The following SORCS1 variants were observed in gnomAD, a reference collection of about 807,000 sequenced individuals.
SORCS1 encodes sortilin related VPS10 domain containing receptor 1, also known as VPS10 domain-containing receptor SorCS1.
Under a neutral mutation model 146.1 loss-of-function variants are expected in SORCS1, and 60 were observed. The observed-to-expected ratio is 0.41, with a 90% CI of 0.33 to 0.51. The LOEUF (loss-of-function observed/expected upper bound fraction) is 0.51, where lower values mean the gene tolerates loss of function less well. Among genes scored for constraint, SORCS1 ranks in the 20% least tolerant of loss-of-function variants. SORCS1 has a pLI of 0.21. For synonymous variants in SORCS1, 637 were observed against 584.0 expected (o/e 1.09, Z -1.31); for missense variants, 1,352 against 1,487.6 (o/e 0.91, Z 1.50).
At chr10:107,069,088 A>G (rs1962186735) in intron 1 of SORCS1, among the ~76,000 whole-genome samples, 1 of 151,678 alleles carries the variant, frequency 6.6e-6, no homozygotes, top group Admixed American at 6.6e-5. Flanking sequence ...TGAGTTCTCA[A>G]TCCAAAATGT....
At chr10:107,030,759 T>G (rs961848049) in intron 1 of SORCS1, among the ~76,000 whole-genome samples, 2 of 152,116 alleles carry the variant, frequency 1.3e-5, no homozygotes, top group African/African-American at 4.8e-5. Flanking sequence ...ACTGAAAAGA[T>G]TTTTTAAAAA....
chr10:106,718,106 T>A (rs1453167687), intron 6 of SORCS1, among the ~76,000 whole-genome samples: 1 of 152,158 alleles, frequency 6.6e-6, no homozygotes, highest in East Asian at 1.9e-4. Flanking sequence ...ATGACAAGGA[T>A]AACTCATTAT....
At chr10:107,001,557 G>T (rs981337881) in intron 1 of SORCS1, among the ~76,000 whole-genome samples, 5 of 152,126 alleles carry the variant, frequency 3.3e-5, no homozygotes, top group African/African-American at 9.7e-5. Flanking sequence ...TCCGTCTCCC[G>T]GGTTCAAGCG....
chr10:106,760,682 T>G (rs1326052590), intron 5 of SORCS1, among the ~76,000 whole-genome samples: 1 of 143,748 alleles, frequency 7.0e-6, no homozygotes, highest in Non-Finnish European at 1.5e-5. Flanking sequence ...AAAGTAAGAC[T>G]ACATACACAC....
At chr10:106,849,891 G>C (rs1949473283) in intron 2 of SORCS1, among the ~76,000 whole-genome samples, 1 of 152,112 alleles carries the variant, frequency 6.6e-6, no homozygotes, top group Non-Finnish European at 1.5e-5. Context: ...TCCCAGTTAG[G>C]CTGCTCGGGG....
chr10:106,841,042 G>T (rs1025057541), intron 2 of SORCS1, among the ~76,000 whole-genome samples: 8 of 151,254 alleles, frequency 5.3e-5, no homozygotes, highest in Non-Finnish European at 1.2e-4. Flanking sequence ...TTTTAATAGA[G>T]ACGGGGTTTC....
At chr10:106,886,821 G>A (rs1951020947) in intron 2 of SORCS1, among the ~76,000 whole-genome samples, 1 of 152,210 alleles carries the variant, frequency 6.6e-6, no homozygotes, top group African/African-American at 2.4e-5. Context: ...AAGTTCAAAT[G>A]TATTAGACGA....
At chr10:107,150,485 G>A (rs568913595) in intron 1 of SORCS1, among the ~76,000 whole-genome samples, 1 of 152,338 alleles carries the variant, frequency 6.6e-6, no homozygotes, top group East Asian at 1.9e-4. Flanking sequence ...ATCTGACATG[G>A]TTGGGTGCAA....
intron 5 of SORCS1, among the ~76,000 whole-genome samples, chr10:106,734,750 A>T (rs1386585294): frequency 2.6e-5 from 4 of 151,972 alleles, no homozygotes; most frequent in Non-Finnish European, 5.9e-5. Flanking sequence ...TACCTAGAAG[A>T]CTCCTGGCAC....
chr10:106,618,409 C>T, intron 20 of SORCS1, 137 bp from the exon 21 acceptor site: 15 of 1,031,728 alleles, frequency 1.5e-5, no homozygotes, highest in African/African-American at 4.8e-5. Context: ...CTGAGTCCCT[C>T]TATGCCTCCC....
At chr10:106,957,878 G>A (rs554408453) in intron 1 of SORCS1, among the ~76,000 whole-genome samples, 1 of 152,248 alleles carries the variant, frequency 6.6e-6, no homozygotes, top group East Asian at 1.9e-4. Flanking sequence ...TTTATTAGGA[G>A]CCCAGGATTT....
intron 9 of SORCS1, among the ~76,000 whole-genome samples, chr10:106,698,075 T>C (rs1370646168): frequency 6.6e-6 from 1 of 152,206 alleles, no homozygotes; most frequent in Non-Finnish European, 1.5e-5. Flanking sequence ...ATAATTTCTA[T>C]TACAAATACC....
At chr10:106,894,894 G>A (rs937931523) in intron 2 of SORCS1, among the ~76,000 whole-genome samples, 25 of 152,184 alleles carry the variant, frequency 1.6e-4, no homozygotes, top group Admixed American at 1.4e-3. Context: ...CTCAACTGAC[G>A]GAATGGGGAT....
intron 1 of SORCS1, among the ~76,000 whole-genome samples, chr10:107,027,119 T>A (rs1014649042): frequency 4.7e-5 from 7 of 149,934 alleles, no homozygotes; most frequent in African/African-American, 1.7e-4. Context: ...TAAAATGGAA[T>A]GGTCCTGTAA....
Position 106,848,945 on chromosome 10 carries a change from C to T in SORCS1, c.627-19272G>A, listed in dbSNP as rs1169855987. The stretch of plus-strand genomic sequence containing the variant: ...CTCTTCTGGCTTGTAGGGTTTCTGC[C>T]GAGAGATCCGCTGTTAGTCTGATGG... On this transcript the variant is annotated intron_variant, in intron 2 of 25. Coordinates refer to ENST00000263054, the MANE Select transcript of SORCS1 (RefSeq NM_052918.5). 6.1e-3 allele frequency among the ~76,000 whole-genome samples: 913 copies of T among 150,382 alleles called. 9 individuals are homozygous for T. The highest frequency in any genetic ancestry group is 0.02 in the African/African-American group (830 of 41,028).
chr10:106,620,595 G>A lies in SORCS1; in HGVS notation c.2663-34C>T, dbSNP rs1025267582. On this transcript the variant is annotated intron_variant, in intron 19 of 25. Coordinates refer to ENST00000263054, the MANE Select transcript of SORCS1 (RefSeq NM_052918.5). ...CAAGAGAAAGAGAGGCCATGGATGGGGAAGAGCTTCCTCTGCTCTGTCCTC... is the reference window on the plus strand; with the variant it reads ...CAAGAGAAAGAGAGGCCATGGATGGAGAAGAGCTTCCTCTGCTCTGTCCTC... The A allele has an allele frequency of 6.2e-6, 10 of 1,607,190 alleles. No homozygotes were observed. In the Middle Eastern group the frequency reaches 5.1e-4, roughly 82 times the overall value.
chr10:107,097,274 A>G (rs1433268636), intron 1 of SORCS1, among the ~76,000 whole-genome samples: 2 of 152,240 alleles, frequency 1.3e-5, no homozygotes, highest in South Asian at 2.1e-4. Flanking sequence ...ACATTTTTGG[A>G]ATCAGAAATC....
chr10:106,610,623 G>A (rs1377354152), intron 22 of SORCS1, among the ~76,000 whole-genome samples: 1 of 152,160 alleles, frequency 6.6e-6, no homozygotes, highest in African/African-American at 2.4e-5. Flanking sequence ...GTGGCACCAT[G>A]TGTTGGAAGC....
chr10:107,035,863 T>C (rs893277573), intron 1 of SORCS1, among the ~76,000 whole-genome samples: 1 of 151,306 alleles, frequency 6.6e-6, no homozygotes, highest in African/African-American at 2.4e-5. Context: ...ACCTTATAAG[T>C]ATAGTTCCCA....
Sources: allele counts gnomAD v4.1 joint callset (sites outside exome capture counted in the v4.1 genomes callset), GRCh38; gene constraint gnomAD v4.1.1; transcripts MANE v1.5; gene names NCBI Gene and HGNC (gene_info 2026-07-23, HGNC 2026-07-21).